SLCO3A1: variants seen among roughly 807,000 people sequenced by gnomAD.
SLCO3A1 encodes PGE1 transporter.
In SLCO3A1, 27 loss-of-function variants were observed where a neutral mutation model predicts 63.1. That is an observed-to-expected ratio of 0.43 (90% confidence interval 0.32 to 0.59). SLCO3A1 has a LOEUF of 0.59. SLCO3A1 is among the 20% of genes least tolerant of loss of function. The pLI, the probability that SLCO3A1 is intolerant of heterozygous loss-of-function variation, is 0.09. For synonymous variants in SLCO3A1, 473 were observed against 409.9 expected (o/e 1.15, Z -1.86); for missense variants, 773 against 945.8 (o/e 0.82, Z 2.40).
intron 2 of SLCO3A1, among the ~76,000 whole-genome samples, chr15:92,009,236 T>C (rs1048265448): frequency 1.3e-5 from 2 of 152,204 alleles, no homozygotes; most frequent in African/African-American, 2.4e-5. Flanking sequence ...GAATATTTTC[T>C]GGAGGAACAA....
At chr15:91,986,811 T>G (rs766303445) in intron 2 of SLCO3A1, among the ~76,000 whole-genome samples, 9 of 152,202 alleles carry the variant, frequency 5.9e-5, no homozygotes, top group Non-Finnish European at 1.3e-4. Context: ...TGAAGATATA[T>G]TTGTAAAAAT....
At chr15:92,129,045 G>C (rs1464207414) in intron 7 of SLCO3A1, among the ~76,000 whole-genome samples, 1 of 152,188 alleles carries the variant, frequency 6.6e-6, no homozygotes, top group Non-Finnish European at 1.5e-5. Flanking sequence ...TCAGCCCACA[G>C]CTTTCCACGC....
intron 3 of SLCO3A1, among the ~76,000 whole-genome samples, chr15:92,103,323 G>A (rs2047628378): frequency 6.6e-6 from 1 of 152,138 alleles, no homozygotes. Context: ...GTACAAGGCA[G>A]GTGTAAAGAG....
chr15:92,012,137 C>T (rs540711694), intron 2 of SLCO3A1, among the ~76,000 whole-genome samples: 21 of 152,316 alleles, frequency 1.4e-4, no homozygotes, highest in African/African-American at 4.1e-4. Context: ...ACTGAGGTTG[C>T]CTTTATGTAA....
At chr15:91,934,601 T>C (rs1779169300) in intron 2 of SLCO3A1, among the ~76,000 whole-genome samples, 1 of 152,250 alleles carries the variant, frequency 6.6e-6, no homozygotes, top group African/African-American at 2.4e-5. Context: ...AGTCAACTCT[T>C]GTTTGAAGAC....
chr15:92,082,665 G>T (rs1369696000), intron 2 of SLCO3A1, among the ~76,000 whole-genome samples: 1 of 152,198 alleles, frequency 6.6e-6, no homozygotes, highest in Non-Finnish European at 1.5e-5. Context: ...AGATTTGCAT[G>T]CATTACATAT....
intron 9 of SLCO3A1, among the ~76,000 whole-genome samples, chr15:92,153,105 C>G (rs1373523371): frequency 1.3e-5 from 2 of 152,188 alleles, no homozygotes; most frequent in East Asian, 3.8e-4. Context: ...ATCTGTATGT[C>G]TGCCCCAGGA....
chr15:92,121,000 G>A (rs73540477), intron 5 of SLCO3A1, among the ~76,000 whole-genome samples: 5,397 of 152,160 alleles, frequency 0.035, 338 homozygotes, highest in African/African-American at 0.12. Flanking sequence ...GGCAGCATGA[G>A]ACCCATAGTT....
rs529964331 is a variant in SLCO3A1, at chr15:91,924,014, A to G, written c.646+7556A>G. ...GGTTAGTTCAGATAGATTCAGTGTG[A>G]GCTGAAAGCCAGCCCCCTGGCCCTG... On this transcript the variant is annotated intron_variant, in intron 2 of 9. Coordinates refer to ENST00000318445, the MANE Select transcript of SLCO3A1 (RefSeq NM_013272.4). Among the ~76,000 whole-genome samples, 5 of 152,326 alleles carry G rather than the reference A, an allele frequency of 3.3e-5. No individual in the cohort carries two copies. In the South Asian group the frequency reaches 1.0e-3, roughly 32 times the overall value.
intron 2 of SLCO3A1, among the ~76,000 whole-genome samples, chr15:92,072,467 G>A (rs1448068811): frequency 6.6e-6 from 1 of 152,092 alleles, no homozygotes; most frequent in East Asian, 1.9e-4. Context: ...TCAAATTTTG[G>A]CAATGGGCCT....
intron 2 of SLCO3A1, among the ~76,000 whole-genome samples, chr15:92,058,160 T>C (rs1345087919): frequency 6.6e-6 from 1 of 150,796 alleles, no homozygotes; most frequent in Non-Finnish European, 1.5e-5. Context: ...AGCGTGAGAG[T>C]GTGTGAGTGT....
At position 91,912,351 on chromosome 15, in the gene SLCO3A1, C is replaced by G. The variant is rs1178591379; in HGVS notation, c.181-3642C>G. On this transcript the variant is annotated intron_variant, in intron 1 of 9. Transcript: ENST00000318445. This position sits in a 1 kb window ranked among gnomAD's most constrained non-coding sequence, Gnocchi z 5.0. The stretch of plus-strand genomic sequence containing the variant: ...CATTTCAGAATCTTTGCATGACTTC[C>G]CAGACTGGCATTGCAGCCCAGCAGA... Among the ~76,000 whole-genome samples the G allele has an allele frequency of 1.3e-5, 2 of 152,154 alleles. No individual in the cohort carries two copies. Among genetic ancestry groups the G allele is most frequent in the African/African-American group, 4.8e-5 (2 of 41,444 alleles).
At chr15:92,151,295 A>G (rs921768695) in intron 9 of SLCO3A1, 1 of 303,574 alleles carries the variant, frequency 3.3e-6, no homozygotes, top group Non-Finnish European at 6.0e-6. Context: ...AGGGGAAAAA[A>G]ATCTGGTGGT....
intron 2 of SLCO3A1, among the ~76,000 whole-genome samples, chr15:92,076,602 C>T (rs967090458): frequency 3.3e-5 from 5 of 152,212 alleles, no homozygotes; most frequent in African/African-American, 1.2e-4. Flanking sequence ...GCCCCCAGAG[C>T]CTGATTCTCA....
intron 2 of SLCO3A1, among the ~76,000 whole-genome samples, chr15:91,988,501 A>T (rs2046083545): frequency 6.6e-6 from 1 of 152,098 alleles, no homozygotes; most frequent in Non-Finnish European, 1.5e-5. Flanking sequence ...GGAAAACTTG[A>T]TTACATGGGA....
chr15:92,092,138 A>C (rs1410725749), intron 2 of SLCO3A1, among the ~76,000 whole-genome samples: 5 of 152,272 alleles, frequency 3.3e-5, no homozygotes, highest in Non-Finnish European at 7.4e-5. Flanking sequence ...ATGTCTGGCT[A>C]GTCCTCACTT....
rs200894736 is a variant in SLCO3A1, at chr15:92,161,162, CTGAAGATGGTTGGCACTTTA to C, written c.1754-1592_1754-1573del. Among the ~76,000 whole-genome samples the C allele has an allele frequency of 3.3e-5, 5 of 152,308 alleles. No individual in the cohort carries two copies. The East Asian group carries it at 9.6e-4, about 29-fold the overall frequency. On this transcript the variant is annotated intron_variant, in intron 9 of 9. Transcript: ENST00000318445. ...CACTTCCTCCTCCTGCAGTCTGTCA[CTGAAGATGGTTGGCACTTTA>C]TTCTGGCCTCAAGGGGACAGTTTTT...
intron 2 of SLCO3A1, among the ~76,000 whole-genome samples, chr15:92,028,273 G>A (rs940307100): frequency 2.0e-5 from 3 of 152,096 alleles, no homozygotes; most frequent in South Asian, 4.1e-4. Flanking sequence ...GGGGATGGTT[G>A]AGTCCAAATC....
rs181847975 is a variant in SLCO3A1, at chr15:91,950,972, G to A, written c.646+34514G>A. 6.6e-6 allele frequency among the ~76,000 whole-genome samples: 1 copy of A among 152,250 alleles called. No homozygotes were observed. Among genetic ancestry groups the A allele is most frequent in the East Asian group, 1.9e-4 (1 of 5,184 alleles). ...TTGACAGGTGAGCTGAAGCTATTGT[G>A]TGTATTCTCTTAGTAAAGTCAGTTC... is the stretch of plus-strand genomic sequence containing the variant. On this transcript the variant is annotated intron_variant, in intron 2 of 9. Transcript: ENST00000318445. The surrounding 1 kb of genome is among the most constrained non-coding windows in gnomAD (Gnocchi z 4.4).
Sources: gnomAD v4.1 joint callset for allele counts (sites outside exome capture counted in the v4.1 genomes callset) on GRCh38, gnomAD v4.1.1 for gene constraint, Gnocchi (gnomAD v3.1) non-coding constraint, MANE v1.5 for transcripts, NCBI Gene and HGNC (gene_info 2026-07-23, HGNC 2026-07-21) for gene names.